The following RASEF variants were observed in gnomAD, a reference collection of about 807,000 sequenced individuals.
RASEF encodes the protein RAS and EF-hand domain containing.
In RASEF, 68 loss-of-function variants were observed where a neutral mutation model predicts 90.1. That is an observed-to-expected ratio of 0.75 (90% CI 0.62 to 0.92). RASEF has a LOEUF of 0.92. Among genes scored for constraint, RASEF ranks in the 40% least tolerant of loss-of-function variants. RASEF has a pLI of 0.00. For synonymous variants in RASEF, 331 were observed against 345.2 expected (o/e 0.96, Z 0.46); for missense variants, 949 against 937.2 (o/e 1.01, Z -0.16).
the RASEF span, among the ~76,000 whole-genome samples, chr9:83,144,434 GGAAAAGAAAAAA>G: frequency 8.5e-6 from 1 of 118,102 alleles, no homozygotes; most frequent in Non-Finnish European, 1.8e-5. Context: ...AAGAAAGAAA[GGAAAAGAAAAAA>G]GAAAAGAAAA....
At chr9:83,180,079 A>G in the RASEF span, among the ~76,000 whole-genome samples, 1 of 152,130 alleles carries the variant, frequency 6.6e-6, no homozygotes, top group African/African-American at 2.4e-5. Flanking sequence ...TTTTCACTAT[A>G]TGCCTGTTTA....
chr9:83,144,309 C>G, the RASEF span, among the ~76,000 whole-genome samples: 1 of 53,132 alleles, frequency 1.9e-5, no homozygotes, highest in Non-Finnish European at 3.8e-5. Flanking sequence ...AAAGCTGACA[C>G]TAAAAGAAAG....
At chr9:83,207,114 ACACTGGCCC>A in the RASEF span, among the ~76,000 whole-genome samples, 2 of 152,112 alleles carry the variant, frequency 1.3e-5, no homozygotes, top group East Asian at 3.8e-4. Flanking sequence ...TGTCTCCAGT[ACACTGGCCC>A]CATGCTCTGG....
the RASEF span, among the ~76,000 whole-genome samples, chr9:83,189,686 G>C: frequency 1.3e-5 from 2 of 152,096 alleles, no homozygotes; most frequent in African/African-American, 4.8e-5. Flanking sequence ...ACATAAATAA[G>C]GCAGATGTGA....
chr9:83,144,367 GAAA>G, the RASEF span, among the ~76,000 whole-genome samples: 226 of 36,152 alleles, frequency 6.3e-3, 4 homozygotes, highest in African/African-American at 0.028. Flanking sequence ...AAGAAAGAAA[GAAA>G]GAAAGAAAGA....
intron 6 of RASEF, among the ~76,000 whole-genome samples, chr9:83,008,266 C>T (rs1325295266): frequency 6.6e-6 from 1 of 152,230 alleles, no homozygotes; most frequent in South Asian, 2.1e-4. Flanking sequence ...TAAAAGTACA[C>T]ATTTCCTAAT....
chr9:83,085,563 G>A, the RASEF span, among the ~76,000 whole-genome samples: 1 of 152,066 alleles, frequency 6.6e-6, no homozygotes, highest in African/African-American at 2.4e-5. Flanking sequence ...TGAACCTGAA[G>A]ATTGATGCTG....
chr9:83,134,724 T>C, the RASEF span, among the ~76,000 whole-genome samples: 7 of 151,872 alleles, frequency 4.6e-5, no homozygotes, highest in African/African-American at 1.7e-4. Flanking sequence ...AAACACGGAG[T>C]TATCATATGA....
At chr9:83,136,025 T>C in the RASEF span, among the ~76,000 whole-genome samples, 1 of 152,056 alleles carries the variant, frequency 6.6e-6, no homozygotes, top group Non-Finnish European at 1.5e-5. Flanking sequence ...CATATATGTG[T>C]ATATGTATAT....
the RASEF span, among the ~76,000 whole-genome samples, chr9:83,148,352 T>C: frequency 6.6e-6 from 1 of 152,068 alleles, no homozygotes; most frequent in African/African-American, 2.4e-5. Flanking sequence ...AATGTTAGAG[T>C]AGGGTGAGCC....
intron 1 of RASEF, among the ~76,000 whole-genome samples, chr9:83,049,571 G>A (rs928588908): frequency 9.4e-6 from 1 of 106,172 alleles, no homozygotes; most frequent in Non-Finnish European, 1.8e-5. Flanking sequence ...CTAAGTTTTA[G>A]GGTACATGTG....
the RASEF span, among the ~76,000 whole-genome samples, chr9:83,171,861 C>T: frequency 6.6e-6 from 1 of 151,624 alleles, no homozygotes; most frequent in Non-Finnish European, 1.5e-5. Context: ...TTTCAAAATG[C>T]CAACTTTTTG....
intron 1 of RASEF, among the ~76,000 whole-genome samples, chr9:83,057,742 C>T (rs945277172): frequency 2.0e-5 from 3 of 151,882 alleles, no homozygotes; most frequent in Non-Finnish European, 4.4e-5. Flanking sequence ...AACACATCTT[C>T]TCTTCTTGGA....
chr9:83,070,801 A>C, the RASEF span, among the ~76,000 whole-genome samples: 1 of 152,102 alleles, frequency 6.6e-6, no homozygotes, highest in African/African-American at 2.4e-5. Flanking sequence ...TTTTCTCTCA[A>C]CAATGTTGAG....
chr9:83,200,289 G>C, the RASEF span, among the ~76,000 whole-genome samples: 1 of 151,968 alleles, frequency 6.6e-6, no homozygotes, highest in African/African-American at 2.4e-5. Flanking sequence ...CCAGCTACTT[G>C]GGAGGCTGAG....
intron 1 of RASEF, among the ~76,000 whole-genome samples, chr9:83,032,755 G>A (rs1829669896): frequency 6.6e-6 from 1 of 152,170 alleles, no homozygotes; most frequent in Non-Finnish European, 1.5e-5. Flanking sequence ...TTGAAGCTGA[G>A]AGGGAAATTA....
At chr9:83,218,858 T>C in the RASEF span, among the ~76,000 whole-genome samples, 606 of 152,132 alleles carry the variant, frequency 4.0e-3, 3 homozygotes, top group African/African-American at 0.014. Flanking sequence ...TATCCCAGCG[T>C]GGACATTTAC....
intron 15 of RASEF, 47 bp downstream of exon 15, chr9:82,992,859 A>C (rs1474136278): frequency 6.3e-7 from 1 of 1,599,310 alleles, no homozygotes; most frequent in East Asian, 2.2e-5. Context: ...CTTCAAAGCC[A>C]TTAAACCCCA....
intron 1 of RASEF, among the ~76,000 whole-genome samples, chr9:83,053,805 G>T (rs2117872308): frequency 7.8e-6 from 1 of 128,590 alleles, no homozygotes; most frequent in Non-Finnish European, 1.6e-5. Flanking sequence ...CACTTATGAA[G>T]CTTAGTTTGG....
Sources: allele counts gnomAD v4.1 joint callset (sites outside exome capture counted in the v4.1 genomes callset), GRCh38; gene constraint gnomAD v4.1.1; transcripts MANE v1.5; gene names NCBI Gene and HGNC (gene_info 2026-07-23, HGNC 2026-07-21).